CDC42BPA: variants seen among roughly 807,000 people sequenced by gnomAD.
The protein encoded by CDC42BPA is serine/threonine-protein kinase MRCK alpha.
In CDC42BPA, 80 loss-of-function variants were observed where a neutral mutation model predicts 223.5. The observed-to-expected ratio is 0.36, with a 90% confidence interval of 0.30 to 0.43. CDC42BPA has a LOEUF of 0.43. CDC42BPA is among the 20% of genes least tolerant of loss of function. The pLI is 1.00. For synonymous variants in CDC42BPA, 694 were observed against 718.6 expected, an observed-to-expected ratio of 0.97 and a Z score of 0.55; for missense variants, 1,743 against 2,099.9, an observed-to-expected ratio of 0.83 and a Z score of 3.32.
At chr1:227,232,632 C>T (rs901609745) in intron 2 of CDC42BPA, among the ~76,000 whole-genome samples, 1 of 152,204 alleles carries the variant, frequency 6.6e-6, no homozygotes, top group Admixed American at 6.5e-5. Flanking sequence ...TTCCTTCTAA[C>T]AGTCAGGACC....
At chr1:227,101,526 C>A (rs1685054595) in intron 14 of CDC42BPA, among the ~76,000 whole-genome samples, 2 of 152,038 alleles carry the variant, frequency 1.3e-5, no homozygotes, top group South Asian at 4.1e-4. Flanking sequence ...TACATGATTT[C>A]TTGCTTTACA....
At chr1:227,293,256 T>C (rs1246537066) in intron 1 of CDC42BPA, among the ~76,000 whole-genome samples, 2 of 152,128 alleles carry the variant, frequency 1.3e-5, no homozygotes, top group African/African-American at 4.8e-5. Context: ...TAATTGCAAA[T>C]ATATATAATT....
At chr1:227,277,317 G>T (rs1687273451) in intron 1 of CDC42BPA, among the ~76,000 whole-genome samples, 1 of 152,044 alleles carries the variant, frequency 6.6e-6, no homozygotes, top group African/African-American at 2.4e-5. Flanking sequence ...AGAATGAGAT[G>T]GATTTATCAC....
rs1172108750 is a variant in CDC42BPA, at chr1:227,080,997, G to C, written c.2376C>G (p.Asn792Lys). The C allele has an allele frequency of 6.2e-7, 1 of 1,613,514 alleles. No individual in the cohort carries two copies. The highest frequency in any genetic ancestry group is 1.1e-5 in the South Asian group (1 of 91,056). ...ELDKLTTLYE[N>K]LSIHNQQLEE... ...CTAACTGCTGGTTGTGTATACTTAA[G>C]TTCTCATACAAAGTAGTAAGCTGAA... Residue 792 changes from asparagine to lysine, a missense_variant, in exon 17 of 37, where the codon AAC (asparagine) becomes AAG (lysine). Physicochemically the swap from Asn to Lys is moderately conservative, Grantham distance 94. Coordinates refer to ENST00000366766, the MANE Select transcript of CDC42BPA (RefSeq NM_001394014.1).
At chr1:227,047,415 G>A (rs372142163) in intron 23 of CDC42BPA, among the ~76,000 whole-genome samples, 1 of 151,744 alleles carries the variant, frequency 6.6e-6, no homozygotes, top group East Asian at 1.9e-4. Context: ...TCATTTTGTG[G>A]TTTATCCAAG....
intron 2 of CDC42BPA, among the ~76,000 whole-genome samples, chr1:227,214,177 T>C (rs1443372350): frequency 6.6e-6 from 1 of 151,826 alleles, no homozygotes; most frequent in African/African-American, 2.4e-5. Context: ...CAACGGGATA[T>C]TTCCAAAAAC....
intron 12 of CDC42BPA, among the ~76,000 whole-genome samples, chr1:227,113,137 C>A (rs1312148044): frequency 6.6e-6 from 1 of 152,168 alleles, no homozygotes; most frequent in Non-Finnish European, 1.5e-5. Flanking sequence ...GCTGATTTAA[C>A]CTTATAGTAC....
chr1:227,160,810 C>G (rs1220548997), intron 5 of CDC42BPA, among the ~76,000 whole-genome samples, 174 bp from the exon 6 acceptor site: 1 of 152,140 alleles, frequency 6.6e-6, no homozygotes, highest in Non-Finnish European at 1.5e-5. Flanking sequence ...TTAAAACTTT[C>G]TCAAACACAT....
At chr1:227,193,982 A>G in intron 4 of CDC42BPA, 48 bp from the exon 5 acceptor site, 2 of 1,366,462 alleles carry the variant, frequency 1.5e-6, no homozygotes, top group Non-Finnish European at 2.0e-6. Flanking sequence ...ATAAGGGTGA[A>G]AAATCAATAT....
intron 5 of CDC42BPA, among the ~76,000 whole-genome samples, chr1:227,187,471 AAAGAG>A (rs1235632469): frequency 6.1e-5 from 8 of 131,234 alleles, no homozygotes; most frequent in African/African-American, 2.3e-4. Flanking sequence ...TGAAAAAAGC[AAAGAG>A]AAGACTGGAA....
intron 10 of CDC42BPA, among the ~76,000 whole-genome samples, chr1:227,133,243 C>T (rs189865352): frequency 0.052 from 7,847 of 150,776 alleles, 233 homozygotes; most frequent in Non-Finnish European, 0.071. Context: ...CGGCCAGCTG[C>T]CCCGTCTGGG....
chr1:227,093,217 G>A (rs1205419350), intron 15 of CDC42BPA, among the ~76,000 whole-genome samples: 2 of 152,158 alleles, frequency 1.3e-5, no homozygotes, highest in African/African-American at 4.8e-5. Context: ...GGGGCCATCT[G>A]ATGTTTATGA....
At chr1:227,027,267 A>G (rs1668440507) in intron 30 of CDC42BPA, among the ~76,000 whole-genome samples, 2 of 152,058 alleles carry the variant, frequency 1.3e-5, no homozygotes, top group African/African-American at 4.8e-5. Context: ...AACTAGAGGT[A>G]TTTTTCTTTT....
intron 23 of CDC42BPA, among the ~76,000 whole-genome samples, chr1:227,042,432 C>T (rs962150283): frequency 3.9e-5 from 6 of 152,006 alleles, no homozygotes; most frequent in African/African-American, 1.5e-4. Flanking sequence ...GGTAATAAAT[C>T]ATCCAACTGG....
At position 227,030,610 on chromosome 1, in the gene CDC42BPA, T is replaced by C. The variant is rs1669106121; in HGVS notation, c.3776-140A>G. 5 of 542,616 alleles carry C rather than the reference T, an allele frequency of 9.2e-6. No individual in the cohort carries two copies. In the South Asian group the frequency reaches 1.5e-4, roughly 16 times the overall value. 33.6% of individuals were successfully genotyped at this position (542,616 alleles called of 1,614,324 possible). A position where few individuals can be genotyped will look rare whatever the true frequency, so the allele number is the denominator to read the frequency against. ...ACAGTTTACACTATTTCCTTTCAGA[T>C]TATACTGGTAAATCTCTCATGTCTT... On this transcript the variant is annotated intron_variant, in intron 28 of 36. Transcript: ENST00000366766.
At position 227,047,917 on chromosome 1, in the gene CDC42BPA, G is replaced by C. The variant is rs1333470686; in HGVS notation, c.3093+10C>G. The C allele has an allele frequency of 1.3e-6, 2 of 1,553,430 alleles. No individual in the cohort carries two copies. Among genetic ancestry groups the C allele is most frequent in the Non-Finnish European group, 1.8e-6 (2 of 1,126,092 alleles). On this transcript the variant is annotated intron_variant, in intron 23 of 36. Transcript: ENST00000366766. ...TTGGAACACACTATGCTTATAACTA[G>C]ATTGAGTACCTTAGGTGGAAAGCCA... is the stretch of plus-strand genomic sequence containing the variant.
intron 9 of CDC42BPA, 146 bp from the exon 10 acceptor site, chr1:227,139,888 A>C (rs770750361): frequency 2.4e-6 from 1 of 419,112 alleles, no homozygotes; most frequent in Non-Finnish European, 4.1e-6. Flanking sequence ...ACAGATCTGA[A>C]TATCTTGCAG....
chr1:227,198,453 G>GA (rs10659956), intron 4 of CDC42BPA, among the ~76,000 whole-genome samples: 1 of 98,866 alleles, frequency 1.0e-5, no homozygotes, highest in African/African-American at 3.7e-5. Context: ...AAAAAAAAAA[G>GA]AAAAGAAAGA....
chr1:227,146,079 A>G (rs764501156), intron 7 of CDC42BPA, among the ~76,000 whole-genome samples: 7 of 152,170 alleles, frequency 4.6e-5, no homozygotes, highest in African/African-American at 1.4e-4. Flanking sequence ...TAATGGTCAT[A>G]TAAGTTACAT....
Sources: gnomAD v4.1 joint callset for allele counts (sites outside exome capture counted in the v4.1 genomes callset) on GRCh38, gnomAD v4.1.1 for gene constraint, MANE v1.5 for transcripts, NCBI Gene and HGNC (gene_info 2026-07-23, HGNC 2026-07-21) for gene names.